BNIP3L: variants seen among roughly 807,000 people sequenced by gnomAD.
The protein encoded by BNIP3L is BCL2/adenovirus E1B 19 kDa protein-interacting protein 3-like.
BNIP3L carries 10 observed loss-of-function variants against 25.5 expected under a neutral mutation model. That is an observed-to-expected ratio of 0.39 (90% confidence interval 0.24 to 0.67). The LOEUF (loss-of-function observed/expected upper bound fraction) is 0.67, where lower values mean the gene tolerates loss of function less well. Ranked by LOEUF, BNIP3L falls within the 30% of genes least tolerant of loss-of-function variation. The pLI, the probability that BNIP3L is intolerant of heterozygous loss-of-function variation, is 0.45. For synonymous variants in BNIP3L, 113 were observed against 101.2 expected (o/e 1.12, Z -0.70); for missense variants, 215 against 270.9 (o/e 0.79, Z 1.45).
At chr8:26,383,390 G>A (rs995767135) in intron 1 of BNIP3L, 160 bp downstream of exon 1, 195 of 1,446,390 alleles carry the variant, frequency 1.3e-4, no homozygotes, top group Non-Finnish European at 1.7e-4. Context: ...GTCAAGAGGA[G>A]GGGCGCCTGC....
intron 1 of BNIP3L, among the ~76,000 whole-genome samples, chr8:26,385,543 C>T (rs1303729295): frequency 6.9e-6 from 1 of 144,932 alleles, no homozygotes; most frequent in Non-Finnish European, 1.5e-5. Context: ...GCAGAGGTTG[C>T]AGTGAGCCGA....
At chr8:26,404,023 G>A (rs1036977220) in intron 3 of BNIP3L, among the ~76,000 whole-genome samples, 2 of 152,156 alleles carry the variant, frequency 1.3e-5, no homozygotes, top group South Asian at 2.1e-4. Flanking sequence ...AAATGAATTC[G>A]ATTGATAACA....
In BNIP3L at chr8:26,402,835, C is replaced by T. The variant is rs537445790; in HGVS notation, c.358-5165C>T. On this transcript the variant is annotated intron_variant, in intron 3 of 5. Coordinates refer to ENST00000380629, the MANE Select transcript of BNIP3L (RefSeq NM_004331.3). ...CCAAGCTTATTTGACCTTAGACTTT[C>T]TTCCTCTTCTCTGCATACGTTTTTC... Among the ~76,000 whole-genome samples the T allele has an allele frequency of 3.1e-3, 467 of 152,314 alleles. 5 individuals are homozygous for T. The highest frequency in any genetic ancestry group is 4.6e-3 in the Non-Finnish European group (310 of 68,030).
At chr8:26,384,727 ATTTTTTTTTTTTT>A in intron 1 of BNIP3L, among the ~76,000 whole-genome samples, 1 of 97,146 alleles carries the variant, frequency 1.0e-5, no homozygotes. Context: ...TTTTGAGGAC[ATTTTTTTTTTTTT>A]TTTTTTTTTT....
intron 1 of BNIP3L, 83 bp from the exon 2 acceptor site, chr8:26,391,160 A>G: frequency 2.5e-6 from 3 of 1,220,030 alleles, no homozygotes; most frequent in Non-Finnish European, 3.3e-6. Flanking sequence ...CAGAATTCTT[A>G]TCTGGATTCA....
intron 3 of BNIP3L, among the ~76,000 whole-genome samples, chr8:26,403,582 G>T (rs529190470): frequency 1.6e-4 from 24 of 151,564 alleles, no homozygotes; most frequent in African/African-American, 5.8e-4. Flanking sequence ...TTGTCACCCA[G>T]GCTGGAGTGT....
intron 2 of BNIP3L, among the ~76,000 whole-genome samples, chr8:26,393,723 C>T (rs992150051): frequency 5.3e-5 from 8 of 152,026 alleles, no homozygotes; most frequent in Non-Finnish European, 1.0e-4. Context: ...TAGCTGTGAA[C>T]CCAACAGTTA....
At position 26,383,239 on chromosome 8, in the gene BNIP3L, G is replaced by A. The variant is rs781630994; in HGVS notation, c.100+9G>A. The A allele has an allele frequency of 3.7e-6, 6 of 1,603,418 alleles. No individual in the cohort carries two copies. Among genetic ancestry groups the A allele is most frequent in the South Asian group, 1.1e-5 (1 of 89,974 alleles). ...GCCGGCCGGCCTCAACAGTGAGTGCGGGGCCGAGGCTCTGTGAAGGGGATG... is the reference window on the plus strand; with the variant it reads ...GCCGGCCGGCCTCAACAGTGAGTGCAGGGCCGAGGCTCTGTGAAGGGGATG... On this transcript the variant is annotated intron_variant, in intron 1 of 5. Transcript: ENST00000380629.
At chr8:26,410,082 A>T (rs982778502) in intron 5 of BNIP3L, among the ~76,000 whole-genome samples, 2 of 152,120 alleles carry the variant, frequency 1.3e-5, no homozygotes, top group African/African-American at 4.8e-5. Flanking sequence ...TACTCTGTGG[A>T]GGGATCTGTT....
intron 2 of BNIP3L, among the ~76,000 whole-genome samples, chr8:26,392,828 A>G (rs1391258691): frequency 1.3e-5 from 2 of 152,088 alleles, no homozygotes; most frequent in Non-Finnish European, 2.9e-5. Context: ...GTGGGCCTTG[A>G]TCATTGATAC....
intron 3 of BNIP3L, 61 bp from the exon 4 acceptor site, chr8:26,407,939 T>C (rs1385212111): frequency 7.0e-6 from 10 of 1,438,688 alleles, no homozygotes; most frequent in Non-Finnish European, 9.7e-6. Flanking sequence ...TCTAGATTTT[T>C]CTTTGTATTA....
At chr8:26,407,917 G>T (rs1285067304) in intron 3 of BNIP3L, 83 bp from the exon 4 acceptor site, 3 of 1,205,736 alleles carry the variant, frequency 2.5e-6, no homozygotes, top group South Asian at 1.4e-5. Context: ...TATGAGTTTG[G>T]TATCTTTTCT....
In BNIP3L at chr8:26,411,041, T is replaced by C. The variant is rs2117501548; in HGVS notation, c.*629T>C. 6.6e-6 allele frequency: 1 copy of C among 152,626 alleles called. No homozygotes were observed. Among genetic ancestry groups the C allele is most frequent in the South Asian group, 2.1e-4 (1 of 4,832 alleles). 9.5% of individuals were successfully genotyped at this position (152,626 alleles called of 1,614,324 possible). On this transcript the variant is annotated 3_prime_UTR_variant, in exon 6 of 6. Coordinates refer to ENST00000380629, the MANE Select transcript of BNIP3L (RefSeq NM_004331.3). ...AAGCCTCCTAATAGCGTCTTTTAAT[T>C]TATAGGAGGCAAACTGTATAAATGA...
At position 26,410,638 on chromosome 8, in the gene BNIP3L, A is replaced by G. The variant is rs996837082; in HGVS notation, c.*226A>G. 4.4e-5 allele frequency: 24 copies of G among 547,456 alleles called. No homozygotes were observed. Among genetic ancestry groups the G allele is most frequent in the Admixed American group, 2.2e-4 (7 of 31,678 alleles). 33.9% of individuals were successfully genotyped at this position (547,456 alleles called of 1,614,324 possible). ...TGAAGACATTTTAGAATTTCCTAACAGAGTTTACTGTTGTTTAGAAATTTG... is the reference window on the plus strand; with the variant it reads ...TGAAGACATTTTAGAATTTCCTAACGGAGTTTACTGTTGTTTAGAAATTTG... On this transcript the variant is annotated 3_prime_UTR_variant, in exon 6 of 6. Coordinates refer to ENST00000380629, the MANE Select transcript of BNIP3L (RefSeq NM_004331.3).
intron 2 of BNIP3L, among the ~76,000 whole-genome samples, chr8:26,391,648 C>T (rs1013008806): frequency 6.6e-6 from 1 of 152,134 alleles, no homozygotes; most frequent in Non-Finnish European, 1.5e-5. Context: ...TGTCATTTTT[C>T]TTACCCAGAT....
At chr8:26,383,284 G>GGCC in intron 1 of BNIP3L, 54 bp downstream of exon 1, 1 of 1,562,162 alleles carries the variant, frequency 6.4e-7, no homozygotes, top group Non-Finnish European at 8.7e-7. Flanking sequence ...GAGCAGCCCC[G>GGCC]GCCGCCGCCA....
At chr8:26,390,802 T>C (rs1469004930) in intron 1 of BNIP3L, among the ~76,000 whole-genome samples, 1 of 152,226 alleles carries the variant, frequency 6.6e-6, no homozygotes, top group Non-Finnish European at 1.5e-5. Context: ...TTGTAGGTGA[T>C]ATATTTATTT....
chr8:26,408,128 A>G (rs1563343701), intron 4 of BNIP3L, 25 bp downstream of exon 4: 2 of 1,612,988 alleles, frequency 1.2e-6, no homozygotes, highest in Non-Finnish European at 8.5e-7. Context: ...GTTTCTTGTC[A>G]GTGGACACAG....
At chr8:26,403,140 A>G (rs1806428055) in intron 3 of BNIP3L, among the ~76,000 whole-genome samples, 1 of 152,196 alleles carries the variant, frequency 6.6e-6, no homozygotes, top group Non-Finnish European at 1.5e-5. Context: ...TTATGTTGAC[A>G]ATCAGATCGG....
Sources: gnomAD v4.1 joint callset for allele counts (sites outside exome capture counted in the v4.1 genomes callset) on GRCh38, gnomAD v4.1.1 for gene constraint, MANE v1.5 for transcripts, NCBI Gene and HGNC (gene_info 2026-07-23, HGNC 2026-07-21) for gene names.